SORCS1: variants seen among roughly 807,000 people sequenced by gnomAD.
SORCS1 encodes the protein VPS10 domain-containing receptor SorCS1.
SORCS1 carries 60 observed loss-of-function variants against 146.1 expected under a neutral mutation model. The observed-to-expected ratio is 0.41, with a 90% CI of 0.33 to 0.51. SORCS1 has a LOEUF of 0.51. Among genes scored for constraint, SORCS1 ranks in the 20% least tolerant of loss-of-function variants. The pLI is 0.21. For missense variants in SORCS1, 1,352 were observed against 1,487.6 expected (o/e 0.91, Z 1.50); for synonymous variants, 637 against 584.0 (o/e 1.09, Z -1.31).
chr10:106,829,503 C>A, intron 3 of SORCS1, 71 bp downstream of exon 3: 1 of 1,075,436 alleles, frequency 9.3e-7, no homozygotes, highest in Admixed American at 1.7e-5. Flanking sequence ...TTTTAGGTAG[C>A]TAGAGTGGTT....
intron 23 of SORCS1, among the ~76,000 whole-genome samples, chr10:106,599,835 G>C (rs111985506): frequency 6.6e-6 from 1 of 151,354 alleles, no homozygotes; most frequent in Non-Finnish European, 1.5e-5. Flanking sequence ...GCAATGGCGC[G>C]ATCTCGGCTC....
chr10:106,874,995 A>T (rs1950544728), intron 2 of SORCS1, among the ~76,000 whole-genome samples: 1 of 152,110 alleles, frequency 6.6e-6, no homozygotes, highest in South Asian at 2.1e-4. Context: ...TTGGGGTAAA[A>T]GTGATTTTTG....
At chr10:106,655,994 G>A (rs1850255000) in intron 17 of SORCS1, among the ~76,000 whole-genome samples, 1 of 152,168 alleles carries the variant, frequency 6.6e-6, no homozygotes, top group Admixed American at 6.5e-5. Context: ...CATTTAGTTG[G>A]TAAAGCATTC....
chr10:106,787,634 AC>A, intron 3 of SORCS1, among the ~76,000 whole-genome samples: 1 of 152,202 alleles, frequency 6.6e-6, no homozygotes, highest in African/African-American at 2.4e-5. Flanking sequence ...ATTTCTCAAC[AC>A]CCCAAAAGTA....
At chr10:107,018,099 C>T (rs1001343656) in intron 1 of SORCS1, among the ~76,000 whole-genome samples, 1 of 152,202 alleles carries the variant, frequency 6.6e-6, no homozygotes, top group East Asian at 1.9e-4. Flanking sequence ...TCTGAATAAA[C>T]TGGTCTTGCT....
In SORCS1 at chr10:106,706,649, C is replaced by T; in HGVS notation, c.1144-15G>A. 1.2e-6 allele frequency: 2 copies of T among 1,613,372 alleles called. No homozygotes were observed. The highest frequency in any genetic ancestry group is 1.7e-6 in the Non-Finnish European group (2 of 1,179,354). On this transcript the variant is annotated splice_polypyrimidine_tract_variant and intron_variant, in intron 7 of 25. Coordinates refer to ENST00000263054, the MANE Select transcript of SORCS1 (RefSeq NM_052918.5). ...CCTGATGTCAGCTGGATCATAAAAACAAGACTGTAAGAAGCTCGAGCTACT... is the reference window on the plus strand; with the variant it reads ...CCTGATGTCAGCTGGATCATAAAAATAAGACTGTAAGAAGCTCGAGCTACT...
At chr10:107,036,051 G>A (rs933758976) in intron 1 of SORCS1, among the ~76,000 whole-genome samples, 3 of 151,546 alleles carry the variant, frequency 2.0e-5, no homozygotes, top group South Asian at 4.2e-4. Context: ...ATCCCATAAC[G>A]TTGTATTTGC....
At chr10:106,989,827 C>T (rs559766476) in intron 1 of SORCS1, among the ~76,000 whole-genome samples, 199 of 151,866 alleles carry the variant, frequency 1.3e-3, no homozygotes, top group African/African-American at 4.6e-3. Context: ...GCTGGGACTA[C>T]AGGCGCCCGC....
At chr10:107,152,376 G>A (rs767353708) in intron 1 of SORCS1, among the ~76,000 whole-genome samples, 27 of 152,178 alleles carry the variant, frequency 1.8e-4, no homozygotes, top group Non-Finnish European at 3.2e-4. Flanking sequence ...CTGTCTAGTG[G>A]AGCTATGAGA....
intron 2 of SORCS1, among the ~76,000 whole-genome samples, chr10:106,927,216 C>G (rs886475767): frequency 6.6e-6 from 1 of 152,210 alleles, no homozygotes; most frequent in South Asian, 2.1e-4. Context: ...TTAAAGGCAG[C>G]GTGTCCGGAG....
chr10:107,173,538 G>T, the SORCS1 span, among the ~76,000 whole-genome samples: 1 of 152,102 alleles, frequency 6.6e-6, no homozygotes, highest in South Asian at 2.1e-4. Flanking sequence ...AAAGGGAAAA[G>T]AAGTTCTTAA....
intron 2 of SORCS1, among the ~76,000 whole-genome samples, chr10:106,859,536 G>A (rs895490332): frequency 6.6e-6 from 1 of 152,170 alleles, no homozygotes; most frequent in African/African-American, 2.4e-5. Context: ...TGGGACTACA[G>A]GTGCGCACCA....
chr10:106,787,215 T>C (rs1327936359), intron 3 of SORCS1, among the ~76,000 whole-genome samples: 3 of 152,184 alleles, frequency 2.0e-5, no homozygotes, highest in Non-Finnish European at 4.4e-5. Context: ...TGCTCTTCTA[T>C]GCTCACAGAG....
At chr10:107,022,768 CA>C (rs1314930466) in intron 1 of SORCS1, among the ~76,000 whole-genome samples, 1 of 152,190 alleles carries the variant, frequency 6.6e-6, no homozygotes, top group Non-Finnish European at 1.5e-5. Flanking sequence ...AAGAACAACA[CA>C]GCAGTGGTTC....
At chr10:106,762,559 A>T (rs577589206) in intron 4 of SORCS1, among the ~76,000 whole-genome samples, 2 of 144,092 alleles carry the variant, frequency 1.4e-5, no homozygotes, top group African/African-American at 2.5e-5. Flanking sequence ...AGCCCGGCTA[A>T]TTTTTTTTTT....
chr10:106,899,131 C>T (rs1951599648), intron 2 of SORCS1, among the ~76,000 whole-genome samples: 1 of 152,148 alleles, frequency 6.6e-6, no homozygotes, highest in South Asian at 2.1e-4. Flanking sequence ...GAACACAGAA[C>T]CAAGCCATAT....
chr10:107,057,663 T>C (rs1327259130), intron 1 of SORCS1, among the ~76,000 whole-genome samples: 1 of 152,242 alleles, frequency 6.6e-6, no homozygotes. Flanking sequence ...TTTCTAACAA[T>C]GTCTAATAGA....
intron 2 of SORCS1, among the ~76,000 whole-genome samples, chr10:106,910,171 A>T (rs192817090): frequency 2.4e-3 from 363 of 152,248 alleles, no homozygotes; most frequent in Non-Finnish European, 3.9e-3. Context: ...AATATAGTTG[A>T]GGTGGAAGAA....
At chr10:106,752,929 T>G (rs1858365682) in intron 5 of SORCS1, among the ~76,000 whole-genome samples, 1 of 152,278 alleles carries the variant, frequency 6.6e-6, no homozygotes, top group Middle Eastern at 3.4e-3. Flanking sequence ...GGAAGCCTAT[T>G]TTTAAAAAGC....
Sources: gnomAD v4.1 joint callset for allele counts (sites outside exome capture counted in the v4.1 genomes callset) on GRCh38, gnomAD v4.1.1 for gene constraint, MANE v1.5 for transcripts, NCBI Gene and HGNC (gene_info 2026-07-23, HGNC 2026-07-21) for gene names.